Variants in OXR1 observed in about 807,000 individuals in gnomAD.
The protein encoded by OXR1 is oxidation resistance protein 1.
Under a neutral mutation model 104.6 loss-of-function variants are expected in OXR1, and 41 were observed. That is an observed-to-expected ratio of 0.39 (90% CI 0.31 to 0.51). The LOEUF (loss-of-function observed/expected upper bound fraction) is 0.51. Among genes scored for constraint, OXR1 ranks in the 20% least tolerant of loss-of-function variants. The pLI, the probability that OXR1 is intolerant of heterozygous loss-of-function variation, is 0.77. For missense variants in OXR1, 955 were observed against 1,031.9 expected (o/e 0.93, Z 1.02); for synonymous variants, 348 against 348.4 (o/e 1.00, Z 0.01).
Position 106,519,158 on chromosome 8 carries a change from A to C in OXR1, c.220+19A>C. On this transcript the variant is annotated intron_variant, in intron 3 of 16. Coordinates refer to ENST00000517566, the MANE Select transcript of OXR1 (RefSeq NM_001198533.2). ...ACAATTGGTGAGCACCAGATGTTTT[A>C]TGCAAGTGAATAGATGAAATCTACC... The C allele has an allele frequency of 6.6e-7, 1 of 1,504,086 alleles. No individual in the cohort carries two copies. Among genetic ancestry groups the C allele is most frequent in the Non-Finnish European group, 9.0e-7 (1 of 1,106,478 alleles). 93.2% of individuals were successfully genotyped at this position (1,504,086 alleles called of 1,614,324 possible).
At chr8:106,534,341 T>C (rs896309665) in intron 3 of OXR1, among the ~76,000 whole-genome samples, 1 of 152,238 alleles carries the variant, frequency 6.6e-6, no homozygotes, top group East Asian at 1.9e-4. Context: ...TCTTAACACG[T>C]GTGTTCCTTT....
At chr8:106,493,578 C>T (rs1444133035) in intron 2 of OXR1, among the ~76,000 whole-genome samples, 1 of 151,926 alleles carries the variant, frequency 6.6e-6, no homozygotes, top group African/African-American at 2.4e-5. Context: ...TGTCGGGCCA[C>T]ACTGAATTCT....
At chr8:106,642,097 T>A (rs1823701097) in intron 3 of OXR1, among the ~76,000 whole-genome samples, 1 of 152,110 alleles carries the variant, frequency 6.6e-6, no homozygotes, top group Non-Finnish European at 1.5e-5. Context: ...TTTTCTCAAT[T>A]AAGAAGAATG....
intron 2 of OXR1, among the ~76,000 whole-genome samples, chr8:106,431,016 A>G (rs1441824358): frequency 6.6e-6 from 1 of 152,194 alleles, no homozygotes; most frequent in Non-Finnish European, 1.5e-5. Context: ...AGGCTGGATC[A>G]TAAGAAGCCT....
intron 3 of OXR1, among the ~76,000 whole-genome samples, chr8:106,630,648 A>G (rs2130889467): frequency 6.6e-6 from 1 of 152,346 alleles, no homozygotes; most frequent in South Asian, 2.1e-4. Flanking sequence ...AAGTAACATG[A>G]TAGCAGATGA....
chr8:106,331,185 A>G (rs1219928374), intron 1 of OXR1, among the ~76,000 whole-genome samples: 1 of 152,214 alleles, frequency 6.6e-6, no homozygotes, highest in Non-Finnish European at 1.5e-5. Flanking sequence ...ATTTAGGTTC[A>G]TTTTATCATT....
At chr8:106,442,717 G>C (rs1364208192) in intron 2 of OXR1, among the ~76,000 whole-genome samples, 1 of 152,112 alleles carries the variant, frequency 6.6e-6, no homozygotes, top group Non-Finnish European at 1.5e-5. Context: ...AGTGTTTATA[G>C]TATTCTCTGA....
chr8:106,644,605 C>A lies in OXR1; in HGVS notation c.221-34605C>A, dbSNP rs116388203. ...TGTAGCTGTACCGTCCTGTGCACAT[C>A]ATATCCTTAGCTGCTGAGGCAGGGG... On this transcript the variant is annotated intron_variant, in intron 3 of 16. Transcript: ENST00000517566. 2.2e-3 allele frequency among the ~76,000 whole-genome samples: 336 copies of A among 152,304 alleles called. 1 individual carries two copies. The highest frequency in any genetic ancestry group is 7.7e-3 in the African/African-American group (320 of 41,560).
chr8:106,422,952 G>T (rs1818964856), intron 2 of OXR1, among the ~76,000 whole-genome samples: 1 of 151,988 alleles, frequency 6.6e-6, no homozygotes, highest in African/African-American at 2.4e-5. Context: ...CTTTGGGATT[G>T]GCCAGGAGAG....
chr8:106,416,236 A>G (rs557844976), intron 2 of OXR1, among the ~76,000 whole-genome samples: 1 of 152,118 alleles, frequency 6.6e-6, no homozygotes, highest in Admixed American at 6.6e-5. Context: ...AGAGAGAATC[A>G]TGGGATCAGA....
chr8:106,698,567 A>G (rs1330900036), intron 7 of OXR1, among the ~76,000 whole-genome samples: 1 of 151,688 alleles, frequency 6.6e-6, no homozygotes, highest in Non-Finnish European at 1.5e-5. Flanking sequence ...GCTCCCTCAT[A>G]CTCCATTCAC....
intron 3 of OXR1, among the ~76,000 whole-genome samples, chr8:106,548,246 C>T (rs1238006348): frequency 6.6e-6 from 1 of 152,174 alleles, no homozygotes; most frequent in African/African-American, 2.4e-5. Context: ...TTGACTTACT[C>T]ATTACACCTT....
intron 1 of OXR1, among the ~76,000 whole-genome samples, chr8:106,334,612 T>C (rs758592725): frequency 2.0e-5 from 3 of 152,170 alleles, no homozygotes; most frequent in Admixed American, 6.5e-5. Context: ...TGTTATAAAT[T>C]TAGATGTTGA....
intron 2 of OXR1, among the ~76,000 whole-genome samples, chr8:106,381,942 G>A (rs978848305): frequency 1.3e-5 from 2 of 152,162 alleles, no homozygotes; most frequent in Admixed American, 6.6e-5. Context: ...TCACTTAGCC[G>A]AAGCAAATTT....
intron 2 of OXR1, among the ~76,000 whole-genome samples, chr8:106,420,239 T>G (rs1818849315): frequency 6.6e-6 from 1 of 152,108 alleles, no homozygotes; most frequent in African/African-American, 2.4e-5. Context: ...GGAGGTCATA[T>G]ATCTTTATTT....
At chr8:106,533,598 A>C (rs927655844) in intron 3 of OXR1, among the ~76,000 whole-genome samples, 1 of 152,064 alleles carries the variant, frequency 6.6e-6, no homozygotes, top group Non-Finnish European at 1.5e-5. Flanking sequence ...CCTTTCTCCT[A>C]TATTATTTTG....
At chr8:106,588,413 A>G (rs1220462983) in intron 3 of OXR1, among the ~76,000 whole-genome samples, 2 of 151,968 alleles carry the variant, frequency 1.3e-5, no homozygotes, top group Non-Finnish European at 2.9e-5. Context: ...TTAATGATCT[A>G]ATGTGCCAAG....
intron 2 of OXR1, among the ~76,000 whole-genome samples, chr8:106,403,790 C>A (rs1818098358): frequency 6.6e-6 from 1 of 152,142 alleles, no homozygotes; most frequent in South Asian, 2.1e-4. Context: ...TATCCCACAC[C>A]CTTAGTATCC....
intron 3 of OXR1, among the ~76,000 whole-genome samples, chr8:106,555,729 G>T (rs950975870): frequency 3.3e-5 from 5 of 151,756 alleles, no homozygotes; most frequent in African/African-American, 1.2e-4. Flanking sequence ...AAGTATAAAT[G>T]AATATGATAA....
Sources: allele counts gnomAD v4.1 joint callset (sites outside exome capture counted in the v4.1 genomes callset), GRCh38; gene constraint gnomAD v4.1.1; transcripts MANE v1.5; gene names NCBI Gene and HGNC (gene_info 2026-07-23, HGNC 2026-07-21).